CLASP1: variants seen among roughly 807,000 people sequenced by gnomAD.
The protein encoded by CLASP1 is cytoplasmic linker associated protein 1.
In CLASP1, 38 loss-of-function variants were observed where a neutral mutation model predicts 192.3. The observed-to-expected ratio is 0.20, with a 90% CI of 0.15 to 0.26. The LOEUF (loss-of-function observed/expected upper bound fraction) is 0.26, where lower values mean the gene tolerates loss of function less well. Ranked by LOEUF, CLASP1 falls within the 10% of genes least tolerant of loss-of-function variation. The pLI, the probability that CLASP1 is intolerant of heterozygous loss-of-function variation, is 1.00. For missense variants in CLASP1, 1,433 were observed against 1,932.5 expected (o/e 0.74, Z 4.85); for synonymous variants, 691 against 712.8 (o/e 0.97, Z 0.49).
At chr2:121,385,939 G>A (rs991398276) in intron 32 of CLASP1, among the ~76,000 whole-genome samples, 1 of 152,140 alleles carries the variant, frequency 6.6e-6, no homozygotes, top group African/African-American at 2.4e-5. Context: ...GACCAAATCT[G>A]GAGACATGAT....
chr2:121,384,548 T>C (rs576783938), intron 32 of CLASP1, among the ~76,000 whole-genome samples: 1 of 152,076 alleles, frequency 6.6e-6, no homozygotes, highest in African/African-American at 2.4e-5. Context: ...CTCACTATCA[T>C]CATGATCCAA....
chr2:121,427,862 T>C (rs1395912265), intron 20 of CLASP1, among the ~76,000 whole-genome samples: 1 of 152,200 alleles, frequency 6.6e-6, no homozygotes, highest in African/African-American at 2.4e-5. Context: ...ATTTAAAATA[T>C]GCCAATTATT....
At chr2:121,439,249 C>T (rs1384166300) in intron 19 of CLASP1, among the ~76,000 whole-genome samples, 1 of 152,096 alleles carries the variant, frequency 6.6e-6, no homozygotes, top group Admixed American at 6.5e-5. Flanking sequence ...AGCAGTCTAT[C>T]AATTTTGTTG....
chr2:121,645,042 G>A (rs1432681557), intron 1 of CLASP1, among the ~76,000 whole-genome samples: 1 of 151,300 alleles, frequency 6.6e-6, no homozygotes, highest in African/African-American at 2.4e-5. Flanking sequence ...TAACCATTTA[G>A]GGCTGTTTGC....
intron 2 of CLASP1, among the ~76,000 whole-genome samples, chr2:121,605,254 C>T (rs116123492): frequency 2.0e-4 from 30 of 152,152 alleles, no homozygotes; most frequent in African/African-American, 6.7e-4. Context: ...GGTACCTGGG[C>T]CAGCTTCACA....
intron 2 of CLASP1, among the ~76,000 whole-genome samples, chr2:121,584,178 G>A (rs994202342): frequency 1.3e-5 from 2 of 152,000 alleles, no homozygotes; most frequent in Admixed American, 6.6e-5. Context: ...CAAACTCCTG[G>A]GCTCAACTGA....
intron 2 of CLASP1, among the ~76,000 whole-genome samples, chr2:121,577,486 T>A (rs1173382260): frequency 6.6e-6 from 1 of 152,162 alleles, no homozygotes; most frequent in Non-Finnish European, 1.5e-5. Context: ...TAGAATAGCA[T>A]ATATGGTGAA....
At chr2:121,631,178 A>AAAAAG (rs1559822056) in intron 1 of CLASP1, among the ~76,000 whole-genome samples, 16 of 150,632 alleles carry the variant, frequency 1.1e-4, no homozygotes, top group African/African-American at 3.4e-4. Context: ...AAAAAAAAAA[A>AAAAAG]AAAAGAAATG....
intron 1 of CLASP1, among the ~76,000 whole-genome samples, chr2:121,616,174 C>T (rs896427260): frequency 2.6e-5 from 4 of 152,062 alleles, no homozygotes; most frequent in Non-Finnish European, 4.4e-5. Context: ...GGGCCAGGTG[C>T]GGTCGCTCAC....
At chr2:121,510,285 A>C (rs2094086356) in intron 7 of CLASP1, among the ~76,000 whole-genome samples, 1 of 152,218 alleles carries the variant, frequency 6.6e-6, no homozygotes, top group South Asian at 2.1e-4. Flanking sequence ...AAAGGCAAAA[A>C]CTGACAAACC....
chr2:121,587,604 T>C (rs1349201490), intron 2 of CLASP1, among the ~76,000 whole-genome samples: 1 of 152,066 alleles, frequency 6.6e-6, no homozygotes, highest in Non-Finnish European at 1.5e-5. Context: ...CTGAAGCAGG[T>C]GAATCACCTG....
At chr2:121,478,974 ACACACACACCACACACCC>A (rs1559370046) in intron 8 of CLASP1, among the ~76,000 whole-genome samples, 18 of 48,088 alleles carry the variant, frequency 3.7e-4, no homozygotes, top group African/African-American at 1.7e-3. Flanking sequence ...CACACACACC[ACACACACACCACACACCC>A]CACACACACA....
chr2:121,558,093 A>G (rs1027380072), intron 2 of CLASP1, among the ~76,000 whole-genome samples: 32 of 152,276 alleles, frequency 2.1e-4, no homozygotes, highest in African/African-American at 7.2e-4. Flanking sequence ...AAGAAAAAAA[A>G]AAAAAAAGAA....
At chr2:121,392,700 C>T (rs909302485) in intron 30 of CLASP1, among the ~76,000 whole-genome samples, 1 of 152,212 alleles carries the variant, frequency 6.6e-6, no homozygotes, top group Non-Finnish European at 1.5e-5. Flanking sequence ...CCAGAACCCA[C>T]CTTCTTTCTA....
intron 1 of CLASP1, among the ~76,000 whole-genome samples, chr2:121,613,450 C>G (rs2065932424): frequency 1.3e-5 from 2 of 152,034 alleles, no homozygotes; most frequent in Non-Finnish European, 1.5e-5. Context: ...ATACCAACTT[C>G]AACAAGAAGG....
chr2:121,555,996 T>TGC (rs1417772745), intron 2 of CLASP1, among the ~76,000 whole-genome samples: 8 of 97,470 alleles, frequency 8.2e-5, no homozygotes, highest in African/African-American at 3.5e-4. Flanking sequence ...CGCTTTTTTT[T>TGC]TTTTTTTTTT....
At chr2:121,552,439 G>A (rs369789495) in intron 2 of CLASP1, among the ~76,000 whole-genome samples, 1 of 152,138 alleles carries the variant, frequency 6.6e-6, no homozygotes, top group African/African-American at 2.4e-5. Flanking sequence ...TGCAAACCAC[G>A]CATCTGACAA....
At chr2:121,524,396 A>G (rs930831369) in intron 6 of CLASP1, among the ~76,000 whole-genome samples, 10 of 152,202 alleles carry the variant, frequency 6.6e-5, no homozygotes, top group African/African-American at 2.4e-4. Flanking sequence ...TTAACGTTGA[A>G]TATAAAGTAT....
chr2:121,487,815 C>T (rs193294220), intron 8 of CLASP1, among the ~76,000 whole-genome samples: 110 of 152,306 alleles, frequency 7.2e-4, no homozygotes, highest in African/African-American at 2.5e-3. Flanking sequence ...ACAAGAGGTT[C>T]GTCTCTTCAT....
Sources: allele counts gnomAD v4.1 joint callset (sites outside exome capture counted in the v4.1 genomes callset), GRCh38; gene constraint gnomAD v4.1.1; transcripts MANE v1.5; gene names NCBI Gene and HGNC (gene_info 2026-07-23, HGNC 2026-07-21).